Variants in GPHA2 observed in about 807,000 individuals in gnomAD.
The protein encoded by GPHA2 is glycoprotein hormone subunit alpha 2.
Under a neutral mutation model 15.3 loss-of-function variants are expected in GPHA2, and 12 were observed. That is an observed-to-expected ratio of 0.78 (90% CI 0.50 to 1.27). The LOEUF (loss-of-function observed/expected upper bound fraction) is 1.27. GPHA2 is among the 50% of genes most tolerant of loss of function. The pLI, the probability that GPHA2 is intolerant of heterozygous loss-of-function variation, is 0.00. For synonymous variants in GPHA2, 61 were observed against 66.8 expected (o/e 0.91, Z 0.42); for missense variants, 156 against 169.5 (o/e 0.92, Z 0.44).
chr11:64,937,385 A>G (rs1249060887), upstream of GPHA2: 1 of 152,230 alleles, frequency 6.6e-6, no homozygotes, highest in African/African-American at 2.4e-5. Flanking sequence ...AAAACAGGCC[A>G]TGTTTGGGAC....
upstream of GPHA2, among the ~76,000 whole-genome samples, chr11:64,936,098 G>A (rs558501281): frequency 2.0e-4 from 30 of 152,142 alleles, no homozygotes; most frequent in Non-Finnish European, 4.1e-4. Flanking sequence ...CACAGCCCAG[G>A]CCTCGATAAG....
In GPHA2 at chr11:64,935,456, G is replaced by C; in HGVS notation, c.5C>G (p.Pro2Arg). Residue 2 changes from proline (P) to arginine (R), a missense_variant, in exon 2 of 4, where the codon CCT becomes CGT. Pro to Arg is a moderately radical substitution (Grantham distance 103). Coordinates refer to ENST00000279168, the MANE Select transcript of GPHA2 (RefSeq NM_130769.4). ...GACCAGGGTTTGAGGGGACGCCATA[G>C]GCATCTGAAACACAGTGGGGAGATG... is the stretch of plus-strand genomic sequence containing the variant. MPMASPQTLVLY... is the reference protein window; with the variant it reads MRMASPQTLVLY... The C allele has an allele frequency of 1.3e-6, 2 of 1,597,606 alleles. No homozygotes were observed. The highest frequency in any genetic ancestry group is 1.7e-6 in the Non-Finnish European group (2 of 1,173,010).
intron 1 of GPHA2, 94 bp downstream of exon 1, chr11:64,935,740 T>C: frequency 3.2e-6 from 1 of 315,260 alleles, no homozygotes; most frequent in Non-Finnish European, 5.9e-6. Flanking sequence ...AGCGCAAACA[T>C]CTTCCTCCCT....
chr11:64,935,302 T>A (rs1945281507), intron 2 of GPHA2, 56 bp downstream of exon 2: 1 of 1,274,916 alleles, frequency 7.8e-7, no homozygotes, highest in African/African-American at 1.5e-5. Context: ...ACTCAGCTCT[T>A]TGCTCCCACC....
rs764750782 is a variant in GPHA2 at position 64,935,022 on chromosome 11, G to GA, written c.256dup (p.Ser86PhefsTer37). On this transcript the variant is annotated frameshift_variant, in exon 3 of 4. Transcript: ENST00000279168. LOFTEE classifies it high-confidence loss of function. ...CAGGCCACTGATGGTGCAGCACTGA[G>GA]AGACGGAGGTGATGTTGTGTCGGTA... is the stretch of plus-strand genomic sequence containing the variant. The GA allele has an allele frequency of 9.6e-5, 155 of 1,613,950 alleles. No homozygotes were observed. Among genetic ancestry groups the GA allele is most frequent in the Non-Finnish European group, 1.3e-4 (153 of 1,180,008 alleles).
At position 64,935,012 on chromosome 11, in the gene GPHA2, G is replaced by A. The variant is rs774990305; in HGVS notation, c.267C>T (p.Cys89=). Residue 89 remains cysteine, a synonymous_variant, in exon 3 of 4, where the codon TGC becomes TGT. Coordinates refer to ENST00000279168, the MANE Select transcript of GPHA2 (RefSeq NM_130769.4). ...RHNITSVSQC[C]TISGLKKVKV... is the part of the protein sequence containing the mutation. ...TCACCTTCTTCAGGCCACTGATGGT[G>A]CAGCACTGAGAGACGGAGGTGATGT... The A allele has an allele frequency of 1.9e-6, 3 of 1,613,962 alleles. No individual in the cohort carries two copies. Among genetic ancestry groups the A allele is most frequent in the African/African-American group, 1.3e-5 (1 of 74,892 alleles).
chr11:64,934,830 G>C lies in GPHA2; in HGVS notation c.333C>G (p.Leu111=). 6.2e-7 allele frequency: 1 copy of C among 1,613,122 alleles called. No homozygotes were observed. The highest frequency in any genetic ancestry group is 8.5e-7 in the Non-Finnish European group (1 of 1,179,564). The change falls in exon 4 of 4, where the codon CTC becomes CTG. Residue 111 remains leucine (L), a synonymous_variant. Coordinates refer to ENST00000279168, the MANE Select transcript of GPHA2 (RefSeq NM_130769.4). ...LQCVGSRREE[L]EIFTARACQC... ...GGCAGGCCCTGGCCGTGAAGATCTCGAGCTCCTCCCTCCGGCTCCCCACAC... is the reference window on the plus strand; with the variant it reads ...GGCAGGCCCTGGCCGTGAAGATCTCCAGCTCCTCCCTCCGGCTCCCCACAC...
upstream of GPHA2, among the ~76,000 whole-genome samples, chr11:64,936,137 G>A (rs559841266): frequency 2.6e-5 from 4 of 152,306 alleles, no homozygotes; most frequent in South Asian, 8.3e-4. Flanking sequence ...CTAGGAGCTG[G>A]TGGAGTGTGC....
chr11:64,934,959 G>GC, intron 3 of GPHA2, 32 bp downstream of exon 3: 1 of 1,613,572 alleles, frequency 6.2e-7, no homozygotes, highest in South Asian at 1.1e-5. Context: ...CGCGACCCCA[G>GC]CGTCCATCCA....
chr11:64,937,116 A>G (rs926528014), upstream of GPHA2, among the ~76,000 whole-genome samples: 3 of 152,188 alleles, frequency 2.0e-5, no homozygotes, highest in Non-Finnish European at 4.4e-5. Flanking sequence ...GGAGAGCCAA[A>G]GGAAGCCTGT....
Position 64,935,345 on chromosome 11 carries a change from C to T in GPHA2, c.103+13G>A, listed in dbSNP as rs1452251725. 1.3e-6 allele frequency: 2 copies of T among 1,577,334 alleles called. No individual in the cohort carries two copies. Among genetic ancestry groups the T allele is most frequent in the Non-Finnish European group, 1.7e-6 (2 of 1,161,182 alleles). The stretch of plus-strand genomic sequence containing the variant: ...TCCACTGCTCCTAGCCCTCCGGTCC[C>T]AGAGGTACTCACGGTGCAAGTGGCA... On this transcript the variant is annotated intron_variant, in intron 2 of 3. Coordinates refer to ENST00000279168, the MANE Select transcript of GPHA2 (RefSeq NM_130769.4).
At chr11:64,937,648 T>C (rs2136699250), upstream of GPHA2, 1 of 152,382 alleles carries the variant, frequency 6.6e-6, no homozygotes, top group South Asian at 2.1e-4. Context: ...GGGCACCCTC[T>C]GGCATGTGAC....
In GPHA2 at chr11:64,934,809, G is replaced by C. The variant is rs374014484; in HGVS notation, c.354C>G (p.Ala118=). 2.5e-4 allele frequency: 407 copies of C among 1,614,102 alleles called. 3 individuals are homozygous for C. The South Asian group carries it at 3.2e-3, about 13-fold the overall frequency. The change falls in exon 4 of 4, where the codon GCC becomes GCG. Residue 118 remains alanine (A), a synonymous_variant. Transcript: ENST00000279168. The part of the protein sequence containing the change: ...REELEIFTAR[A]CQCDMCRLSR... ...AGAGGCGACACATGTCACACTGGCA[G>C]GCCCTGGCCGTGAAGATCTCGAGCT...
chr11:64,935,544 G>T, intron 1 of GPHA2, 84 bp from the exon 2 acceptor site: 1 of 893,416 alleles, frequency 1.1e-6, no homozygotes, highest in Non-Finnish European at 1.7e-6. Context: ...AGGTGAGTGA[G>T]CCAGGGCTGG....
At position 64,935,130 on chromosome 11, in the gene GPHA2, C is replaced by A. The variant is rs772734888; in HGVS notation, c.149G>T (p.Gly50Val). 2.5e-6 allele frequency: 4 copies of A among 1,613,968 alleles called. No individual in the cohort carries two copies. In the Admixed American group the frequency reaches 6.7e-5, roughly 27 times the overall value. ...VRSDRQGTCQGSHVAQACVGH... is the reference protein window; with the variant it reads ...VRSDRQGTCQVSHVAQACVGH... ...CACACAGGCCTGTGCCACGTGGGAG[C>A]CCTGGCAGGTGCCTTGGCGGTCACT... Residue 50 changes from glycine (G) to valine (V), a missense_variant, in exon 3 of 4, where the codon GGC becomes GTC. Transcript: ENST00000279168.
At position 64,935,454 on chromosome 11, in the gene GPHA2, T is replaced by C. The variant is rs759120332; in HGVS notation, c.7A>G (p.Met3Val). 4 of 1,598,584 alleles carry C rather than the reference T, an allele frequency of 2.5e-6. No individual in the cohort carries two copies. In the South Asian group the frequency reaches 3.3e-5, roughly 13 times the overall value. MP[M>V]ASPQTLVLYL... is the part of the protein sequence containing the mutation. ...AGGACCAGGGTTTGAGGGGACGCCATAGGCATCTGAAACACAGTGGGGAGA... is the reference window on the plus strand; with the variant it reads ...AGGACCAGGGTTTGAGGGGACGCCACAGGCATCTGAAACACAGTGGGGAGA... The change falls in exon 2 of 4, where the codon ATG (methionine) becomes GTG (valine). Residue 3 changes from methionine (M) to valine (V), a missense_variant. Met to Val is a conservative substitution (Grantham distance 21, BLOSUM62 1). Coordinates refer to ENST00000279168, the MANE Select transcript of GPHA2 (RefSeq NM_130769.4).
chr11:64,937,177 A>C (rs1198594527), upstream of GPHA2, among the ~76,000 whole-genome samples: 2 of 152,218 alleles, frequency 1.3e-5, no homozygotes, highest in Non-Finnish European at 2.9e-5. Context: ...TGATCTGCTC[A>C]GAAAGAGCAG....
rs1191005752 is a variant in GPHA2 at position 64,934,598 on chromosome 11, A to C, written c.*175T>G. The C allele has an allele frequency of 4.9e-6, 3 of 618,166 alleles. No individual in the cohort carries two copies. The highest frequency in any genetic ancestry group is 5.8e-6 in the Non-Finnish European group (2 of 345,868). 38.3% of individuals were successfully genotyped at this position (618,166 alleles called of 1,614,324 possible). A position where few individuals can be genotyped will look rare whatever the true frequency, so the allele number is the denominator to read the frequency against. The stretch of plus-strand genomic sequence containing the variant: ...ACTCCCCTCTTCTCAGGTGACAGTC[A>C]CAAAATCTTACAAAGGATCAAAGCT... On this transcript the variant is annotated 3_prime_UTR_variant, in exon 4 of 4. Coordinates refer to ENST00000279168, the MANE Select transcript of GPHA2 (RefSeq NM_130769.4).
At chr11:64,935,554 G>T in intron 1 of GPHA2, 94 bp from the exon 2 acceptor site, 1 of 817,544 alleles carries the variant, frequency 1.2e-6, no homozygotes, top group Non-Finnish European at 1.9e-6. Context: ...GCCAGGGCTG[G>T]CTGGTCTGAC....
Sources: gnomAD v4.1 joint callset for allele counts (sites outside exome capture counted in the v4.1 genomes callset) on GRCh38, gnomAD v4.1.1 for gene constraint, MANE v1.5 for transcripts, NCBI Gene and HGNC (gene_info 2026-07-23, HGNC 2026-07-21) for gene names.